ARPIN: variants seen among roughly 807,000 people sequenced by gnomAD.
ARPIN encodes actin related protein 2/3 complex inhibitor.
A neutral mutation model predicts 25.9 loss-of-function variants in ARPIN; 23 were observed. The observed-to-expected ratio is 0.89, with a 90% CI of 0.64 to 1.26. The LOEUF is 1.26. Among genes scored for constraint, ARPIN ranks in the 50% most tolerant of loss-of-function variants. The pLI, the probability that ARPIN is intolerant of heterozygous loss-of-function variation, is 0.00. For synonymous variants in ARPIN, 126 were observed against 131.4 expected, an observed-to-expected ratio of 0.96 and a Z score of 0.28; for missense variants, 333 against 312.2, an observed-to-expected ratio of 1.07 and a Z score of -0.50.
chr15:89,905,516 C>T (rs1897105365), intron 3 of ARPIN, among the ~76,000 whole-genome samples: 1 of 152,102 alleles, frequency 6.6e-6, no homozygotes, highest in South Asian at 2.1e-4. Flanking sequence ...GGCTTTGACA[C>T]CTACTGCTCC....
chr15:89,910,069 A>C (rs1435748036), intron 2 of ARPIN, among the ~76,000 whole-genome samples: 1 of 152,026 alleles, frequency 6.6e-6, no homozygotes, highest in Admixed American at 6.6e-5. Context: ...TAAGGAGGGG[A>C]GGGTGCAGCA....
intron 5 of ARPIN, chr15:89,902,880 T>G: frequency 8.1e-7 from 1 of 1,228,768 alleles, no homozygotes. Context: ...GTTGTTCAAC[T>G]GCCTCAGCAT....
intron 5 of ARPIN, chr15:89,902,815 C>G: frequency 8.9e-7 from 1 of 1,120,266 alleles, no homozygotes; most frequent in Non-Finnish European, 1.1e-6. Flanking sequence ...GTCAGCCATT[C>G]TCCAGACACT....
Position 89,898,845 on chromosome 15 carries a change from C to T in ARPIN, c.*2950G>A, listed in dbSNP as rs1400876805. On this transcript the variant is annotated 3_prime_UTR_variant, in exon 6 of 6. Transcript: ENST00000357484. The stretch of plus-strand genomic sequence containing the variant: ...GCAGGGTTTCAGCCCTGCTGTAGTT[C>T]CTCAACTCCCCACAGGTGTATCTAG... 1 of 152,206 alleles carries T rather than the reference C, an allele frequency of 6.6e-6. No homozygotes were observed. The highest frequency in any genetic ancestry group is 1.5e-5 in the Non-Finnish European group (1 of 68,062). The allele number at this position is 152,206 out of a possible 1,614,324, so 9.4% of individuals were successfully genotyped here.
At position 89,903,355 on chromosome 15, in the gene ARPIN, C is replaced by T. The variant is rs1202708184; in HGVS notation, c.533G>A (p.Gly178Glu). ...FLDSLAKLEA[G>E]TVTKCNFTGD... ...AGTGAAATTACACTTGGTCACTGTT[C>T]CAGCCTCAAGTTTGGCCAATGAATC... Residue 178 changes from glycine to glutamate, a missense_variant, in exon 5 of 6, where the codon GGA becomes GAA. Physicochemically the swap from Gly to Glu is moderately conservative, Grantham distance 98. Transcript: ENST00000357484. 2 of 1,614,216 alleles carry T rather than the reference C, an allele frequency of 1.2e-6. No homozygotes were observed. The highest frequency in any genetic ancestry group is 1.7e-6 in the Non-Finnish European group (2 of 1,180,028).
chr15:89,908,548 C>T, intron 2 of ARPIN, 136 bp from the exon 3 acceptor site: 1 of 1,436,178 alleles, frequency 7.0e-7, no homozygotes, highest in African/African-American at 1.4e-5. Flanking sequence ...TCAAGCTAGG[C>T]AGATGCTCCC....
chr15:89,906,683 G>C (rs913999804), intron 3 of ARPIN, among the ~76,000 whole-genome samples: 6 of 152,152 alleles, frequency 3.9e-5, no homozygotes, highest in Admixed American at 3.9e-4. Flanking sequence ...ATGAGTAACT[G>C]AAGGTATGAA....
At position 89,903,847 on chromosome 15, in the gene ARPIN, C is replaced by T; in HGVS notation, c.438G>A (p.Glu146=). The change falls in exon 4 of 6, where the codon GAG becomes GAA. Residue 146 remains glutamate (E), a synonymous_variant. Coordinates refer to ENST00000357484, the MANE Select transcript of ARPIN (RefSeq NM_182616.4). ...HTVAFWMPES[E]MEVMELELGA... ...CCAGCTCGAGTTCCATCACCTCCAT[C>T]TCTGACTCGGGCATCCAGAACGCCA... 6.2e-7 allele frequency: 1 copy of T among 1,614,214 alleles called. No homozygotes were observed. Among genetic ancestry groups the T allele is most frequent in the Non-Finnish European group, 8.5e-7 (1 of 1,180,038 alleles).
chr15:89,898,712 ATGAGCTC>A lies in ARPIN; in HGVS notation c.*3076_*3082del, dbSNP rs1236834560. ...GAGAAAGGAGGGTTGTGACATTGTGATGAGCTCTGAGTTGTATTAAGGAATTTGAACT... is the reference window on the plus strand; with the variant it reads ...GAGAAAGGAGGGTTGTGACATTGTGATGAGTTGTATTAAGGAATTTGAACT... On this transcript the variant is annotated 3_prime_UTR_variant, in exon 6 of 6. Coordinates refer to ENST00000357484, the MANE Select transcript of ARPIN (RefSeq NM_182616.4). 1 of 113,772 alleles carries A rather than the reference ATGAGCTC, an allele frequency of 8.8e-6. No individual in the cohort carries two copies. The highest frequency in any genetic ancestry group is 3.6e-5 in the African/African-American group (1 of 27,524). 7.0% of individuals were successfully genotyped at this position (113,772 alleles called of 1,614,324 possible). A position where few individuals can be genotyped will look rare whatever the true frequency, so the allele number is the denominator to read the frequency against.
chr15:89,912,481 G>C, intron 1 of ARPIN: 1 of 1,259,636 alleles, frequency 7.9e-7, no homozygotes, highest in East Asian at 3.4e-5. Flanking sequence ...AGCCTTCGGA[G>C]ACCTGTCTGG....
chr15:89,912,159 C>T (rs546541724), intron 1 of ARPIN: 238 of 970,078 alleles, frequency 2.5e-4, no homozygotes, highest in Non-Finnish European at 1.8e-4. Flanking sequence ...TTTATAGGTT[C>T]CATATACGAG....
chr15:89,903,502 G>A, intron 4 of ARPIN, 123 bp from the exon 5 acceptor site: 1 of 1,500,180 alleles, frequency 6.7e-7, no homozygotes, highest in Non-Finnish European at 9.0e-7. Flanking sequence ...AGGCATAGAT[G>A]TGGTCAATGA....
intron 3 of ARPIN, among the ~76,000 whole-genome samples, chr15:89,906,811 A>G (rs997591309): frequency 6.6e-6 from 1 of 152,020 alleles, no homozygotes; most frequent in Admixed American, 6.6e-5. Flanking sequence ...AGGGCTTGCT[A>G]TGGTTGGAAT....
chr15:89,908,412 C>T lies in ARPIN; in HGVS notation c.169G>A (p.Glu57Lys). 1 of 1,613,372 alleles carries T rather than the reference C, an allele frequency of 6.2e-7. No individual in the cohort carries two copies. Among genetic ancestry groups the T allele is most frequent in the Non-Finnish European group, 8.5e-7 (1 of 1,179,916 alleles). ...HSILDTHGRK[E>K]RYYVLYIRPS... ...CGGATATACAGCACGTAGTAGCGCT[C>T]CTGGGGCCAGGCAGACAGAGAGTGA... The change falls in exon 3 of 6, where the codon GAG becomes AAG. Residue 57 changes from glutamate (E) to lysine (K), a missense_variant and splice_region_variant. Physicochemically the swap from Glu to Lys is moderately conservative, Grantham distance 56 (BLOSUM62 1). Coordinates refer to ENST00000357484, the MANE Select transcript of ARPIN (RefSeq NM_182616.4).
At chr15:89,902,196 G>A (rs564522211) in intron 5 of ARPIN, among the ~76,000 whole-genome samples, 1 of 152,108 alleles carries the variant, frequency 6.6e-6, no homozygotes, top group African/African-American at 2.4e-5. Flanking sequence ...ATCACCCGAG[G>A]TCGGGAATTC....
intron 3 of ARPIN, among the ~76,000 whole-genome samples, chr15:89,905,671 G>T (rs921593537): frequency 6.6e-6 from 1 of 152,168 alleles, no homozygotes; most frequent in Admixed American, 6.5e-5. Flanking sequence ...TGGCTTCGCG[G>T]GGCTTTAGAG....
chr15:89,912,439 G>A (rs1168030400), intron 1 of ARPIN: 5 of 1,204,220 alleles, frequency 4.2e-6, no homozygotes, highest in Non-Finnish European at 5.2e-6. Flanking sequence ...CGCGGGTGGG[G>A]TGGGGCCGGA....
intron 1 of ARPIN, 81 bp downstream of exon 1, chr15:89,912,663 T>TTGGGCCCCCCCCCCCCCCCC: frequency 1.1e-6 from 1 of 871,112 alleles, no homozygotes; most frequent in Non-Finnish European, 1.4e-6. Context: ...CCCACCCGCA[T>TTGGGCCCCCCCCCCCCCCCC]CCCACCCCCC....
intron 3 of ARPIN, 102 bp downstream of exon 3, chr15:89,908,178 G>A: frequency 6.5e-7 from 1 of 1,548,686 alleles, no homozygotes; most frequent in African/African-American, 1.4e-5. Flanking sequence ...AACATCAAGA[G>A]GGCTGAAGAG....
Sources: gnomAD v4.1 joint callset for allele counts (sites outside exome capture counted in the v4.1 genomes callset) on GRCh38, gnomAD v4.1.1 for gene constraint, MANE v1.5 for transcripts, NCBI Gene and HGNC (gene_info 2026-07-23, HGNC 2026-07-21) for gene names.